AMOTL1: variants seen among roughly 807,000 people sequenced by gnomAD.
AMOTL1 encodes the protein angiomotin like 1.
Under a neutral mutation model 102.9 loss-of-function variants are expected in AMOTL1, and 45 were observed. The observed-to-expected ratio is 0.44, with a 90% CI of 0.34 to 0.56. The LOEUF is 0.56. Among genes scored for constraint, AMOTL1 ranks in the 20% least tolerant of loss-of-function variants. The pLI is 0.01. For missense variants in AMOTL1, 1,114 were observed against 1,225.6 expected, an observed-to-expected ratio of 0.91 and a Z score of 1.36; for synonymous variants, 481 against 484.7, an observed-to-expected ratio of 0.99 and a Z score of 0.10.
Position 94,821,489 on chromosome 11 carries a change from A to G in AMOTL1, c.1122-41A>G, listed in dbSNP as rs568749601. 15 of 1,586,598 alleles carry G rather than the reference A, an allele frequency of 9.5e-6. No individual in the cohort carries two copies. In the African/African-American group the frequency reaches 2.0e-4, roughly 21 times the overall value. ...TTGGGGCTTCCTTCCTGCTCCCACC[A>G]TTTCCCCAGGCTCTAACTGCTGCCT... On this transcript the variant is annotated intron_variant, in intron 3 of 12. Transcript: ENST00000433060.
At chr11:94,741,528 C>G (rs1250859468) in intron 3 of AMOTL1, among the ~76,000 whole-genome samples, 1 of 152,136 alleles carries the variant, frequency 6.6e-6, no homozygotes, top group Non-Finnish European at 1.5e-5. Context: ...CTCAGTTAGC[C>G]TGTAGGTGTC....
intron 3 of AMOTL1, among the ~76,000 whole-genome samples, chr11:94,806,649 T>C (rs1471603192): frequency 2.6e-5 from 4 of 152,224 alleles, no homozygotes; most frequent in African/African-American, 7.2e-5. Flanking sequence ...AAATGCCCTG[T>C]GTGTCCTGAC....
At chr11:94,869,564 G>T in intron 12 of AMOTL1, 91 bp downstream of exon 12, 2 of 1,401,284 alleles carry the variant, frequency 1.4e-6, no homozygotes, top group African/African-American at 1.4e-5. Flanking sequence ...GGAAGCAGGG[G>T]CACCCATCAG....
At chr11:94,841,396 G>A (rs567068758) in intron 6 of AMOTL1, among the ~76,000 whole-genome samples, 34 of 152,236 alleles carry the variant, frequency 2.2e-4, no homozygotes, top group Admixed American at 2.1e-3. Flanking sequence ...AGGTTGTAGT[G>A]AGCCGAGATG....
chr11:94,851,826 C>T (rs767417444), intron 7 of AMOTL1, among the ~76,000 whole-genome samples: 16 of 152,194 alleles, frequency 1.1e-4, no homozygotes, highest in Non-Finnish European at 2.1e-4. Context: ...TCATCCTCAT[C>T]GGGATATATG....
intron 3 of AMOTL1, 143 bp from the exon 4 acceptor site, chr11:94,821,387 G>C: frequency 1.2e-6 from 1 of 843,068 alleles, no homozygotes; most frequent in South Asian, 1.8e-5. Context: ...ATTGAGATGG[G>C]AGCACAGTGA....
At chr11:94,846,208 C>T (rs553317826) in intron 6 of AMOTL1, among the ~76,000 whole-genome samples, 1 of 152,358 alleles carries the variant, frequency 6.6e-6, no homozygotes, top group South Asian at 2.1e-4. Context: ...CCTGTGTTCT[C>T]ATAGCACCCT....
intron 1 of AMOTL1, among the ~76,000 whole-genome samples, chr11:94,781,519 A>T (rs1951112185): frequency 6.6e-6 from 1 of 152,204 alleles, no homozygotes; most frequent in African/African-American, 2.4e-5. Flanking sequence ...ACCCTATGGG[A>T]GGAGGTCTCT....
intron 9 of AMOTL1, among the ~76,000 whole-genome samples, chr11:94,861,673 T>C (rs1371065213): frequency 6.6e-6 from 1 of 152,306 alleles, no homozygotes; most frequent in African/African-American, 2.4e-5. Flanking sequence ...CCTGACCACA[T>C]TGCTTTGGCT....
Position 94,716,552 on chromosome 11 carries a change from A to C in AMOTL1, c.-51+9955A>C, listed in dbSNP as rs538328275. On this transcript the variant is annotated intron_variant, in intron 1 of 4. Transcript: ENST00000299004. ...TACTTTTGTGAGTTATAGTTCCATG[A>C]CAATTTGTTTTCAGAGTTCTTGCAA... Among the ~76,000 whole-genome samples, 17 of 152,196 alleles carry C rather than the reference A, an allele frequency of 1.1e-4. No homozygotes were observed. In the East Asian group the frequency reaches 2.7e-3, roughly 24 times the overall value.
intron 3 of AMOTL1, among the ~76,000 whole-genome samples, chr11:94,757,612 G>C (rs924711442): frequency 1.3e-5 from 2 of 152,130 alleles, no homozygotes; most frequent in Non-Finnish European, 2.9e-5. Context: ...CAGCTTAGTA[G>C]CAAATTCAGG....
At chr11:94,735,871 A>G (rs954099250) in intron 2 of AMOTL1, among the ~76,000 whole-genome samples, 1 of 152,334 alleles carries the variant, frequency 6.6e-6, no homozygotes, top group Admixed American at 6.5e-5. Flanking sequence ...TATTATAAAA[A>G]TAAAATTAAA....
At chr11:94,860,578 C>T (rs995849936) in intron 9 of AMOTL1, among the ~76,000 whole-genome samples, 4 of 152,302 alleles carry the variant, frequency 2.6e-5, no homozygotes, top group South Asian at 2.1e-4. Context: ...GCTGCACACA[C>T]GTGGGGTGGC....
chr11:94,774,748 C>A (rs577726382), intron 1 of AMOTL1, among the ~76,000 whole-genome samples: 1 of 152,190 alleles, frequency 6.6e-6, no homozygotes, highest in Non-Finnish European at 1.5e-5. Flanking sequence ...GTACTGGAAA[C>A]ACATGTTAAG....
At chr11:94,816,575 A>G (rs1235473027) in intron 3 of AMOTL1, among the ~76,000 whole-genome samples, 2 of 152,154 alleles carry the variant, frequency 1.3e-5, no homozygotes, top group African/African-American at 4.8e-5. Context: ...TGCCATTGTT[A>G]TTAAGTTTTG....
At chr11:94,847,413 G>T (rs78546034) in intron 6 of AMOTL1, among the ~76,000 whole-genome samples, 2,897 of 152,244 alleles carry the variant, frequency 0.019, 96 homozygotes, top group African/African-American at 0.067. Context: ...GCACATAATA[G>T]AGACTCACTC....
chr11:94,709,117 T>C (rs903340511), intron 1 of AMOTL1, among the ~76,000 whole-genome samples: 1 of 152,188 alleles, frequency 6.6e-6, no homozygotes, highest in African/African-American at 2.4e-5. Context: ...CTGTGCCAGC[T>C]CCTAGACTGT....
intron 1 of AMOTL1, among the ~76,000 whole-genome samples, chr11:94,777,148 C>T (rs1001705987): frequency 6.6e-6 from 1 of 152,090 alleles, no homozygotes; most frequent in African/African-American, 2.4e-5. Flanking sequence ...ATTAAGACAC[C>T]TGGGAAAGTA....
upstream of AMOTL1, among the ~76,000 whole-genome samples, chr11:94,763,437 T>C (rs1216120032): frequency 6.6e-6 from 1 of 152,184 alleles, no homozygotes; most frequent in Non-Finnish European, 1.5e-5. Flanking sequence ...TATTATTTTA[T>C]ATTTAGAAAA....
Sources: gnomAD v4.1 joint callset for allele counts (sites outside exome capture counted in the v4.1 genomes callset) on GRCh38, gnomAD v4.1.1 for gene constraint, MANE v1.5 for transcripts, NCBI Gene and HGNC (gene_info 2026-07-23, HGNC 2026-07-21) for gene names.